VPS13B: variants seen among roughly 807,000 people sequenced by gnomAD.
VPS13B encodes the protein vacuolar protein sorting 13 homolog B, also known as intermembrane lipid transfer protein VPS13B.
A neutral mutation model predicts 426.4 loss-of-function variants in VPS13B; 285 were observed. The observed-to-expected ratio is 0.67, with a 90% CI of 0.61 to 0.74. The LOEUF is 0.74. Among genes scored for constraint, VPS13B ranks in the 30% least tolerant of loss-of-function variants. The pLI is 0.00. For missense variants in VPS13B, 4,537 were observed against 4,782.6 expected (o/e 0.95, Z 1.51); for synonymous variants, 1,676 against 1,676.4 (o/e 1.00, Z 0.01).
At chr8:99,519,515 C>A (rs1018598247) in intron 29 of VPS13B, among the ~76,000 whole-genome samples, 1 of 151,996 alleles carries the variant, frequency 6.6e-6, no homozygotes, top group Non-Finnish European at 1.5e-5. Context: ...ATGTTTGTTG[C>A]GGCACTATTC....
intron 3 of VPS13B, among the ~76,000 whole-genome samples, chr8:99,041,039 T>C (rs936618576): frequency 3.3e-5 from 5 of 152,148 alleles, no homozygotes; most frequent in African/African-American, 1.2e-4. Context: ...TCATAATGAT[T>C]GTGATTCTAG....
chr8:99,401,682 A>G (rs1160012558), intron 21 of VPS13B, among the ~76,000 whole-genome samples: 1 of 152,186 alleles, frequency 6.6e-6, no homozygotes. Flanking sequence ...CCTGGCCAAC[A>G]TGGTGAAACC....
chr8:99,706,215 T>G (rs571534039), intron 36 of VPS13B, among the ~76,000 whole-genome samples: 2 of 152,174 alleles, frequency 1.3e-5, no homozygotes, highest in South Asian at 4.2e-4. Flanking sequence ...CTGTAATGGA[T>G]TAAAATAATA....
intron 19 of VPS13B, among the ~76,000 whole-genome samples, chr8:99,290,740 C>G (rs1377335831): frequency 1.3e-5 from 2 of 151,740 alleles, no homozygotes; most frequent in Admixed American, 1.3e-4. Flanking sequence ...AAATCCTTAA[C>G]CCAGTCTTTC....
chr8:99,225,803 A>G (rs767472192), intron 17 of VPS13B, among the ~76,000 whole-genome samples: 1 of 152,134 alleles, frequency 6.6e-6, no homozygotes, highest in Non-Finnish European at 1.5e-5. Context: ...TGATCTTTCT[A>G]AAATGGAATT....
intron 15 of VPS13B, among the ~76,000 whole-genome samples, chr8:99,159,783 C>T (rs1231281581): frequency 1.3e-5 from 2 of 152,106 alleles, no homozygotes; most frequent in African/African-American, 4.8e-5. Flanking sequence ...TCTCAGTCTC[C>T]CAAGTACTGG....
intron 13 of VPS13B, among the ~76,000 whole-genome samples, chr8:99,145,416 C>A (rs1199912627): frequency 6.6e-6 from 1 of 152,128 alleles, no homozygotes; most frequent in Non-Finnish European, 1.5e-5. Context: ...CCACAAGGAT[C>A]TGGCATGTTG....
chr8:99,287,846 A>G (rs1819528078), intron 19 of VPS13B, among the ~76,000 whole-genome samples: 1 of 152,070 alleles, frequency 6.6e-6, no homozygotes, highest in African/African-American at 2.4e-5. Context: ...TGAGATGAGT[A>G]TGTCCATAAA....
At chr8:99,576,049 G>A (rs1318314423) in intron 32 of VPS13B, among the ~76,000 whole-genome samples, 2 of 152,134 alleles carry the variant, frequency 1.3e-5, no homozygotes, top group African/African-American at 2.4e-5. Flanking sequence ...GAGGCATAGA[G>A]GAGCTAACCA....
intron 17 of VPS13B, among the ~76,000 whole-genome samples, chr8:99,230,441 T>C (rs1293131876): frequency 6.6e-6 from 1 of 152,242 alleles, no homozygotes; most frequent in African/African-American, 2.4e-5. Flanking sequence ...TAGGAAATTT[T>C]AGATCTCATT....
intron 33 of VPS13B, among the ~76,000 whole-genome samples, chr8:99,638,476 A>G (rs914720266): frequency 3.3e-5 from 5 of 152,132 alleles, no homozygotes; most frequent in African/African-American, 1.2e-4. Context: ...GAAAATTGCT[A>G]TAATATTAGT....
intron 33 of VPS13B, among the ~76,000 whole-genome samples, chr8:99,610,609 G>A (rs2133874093): frequency 6.6e-6 from 1 of 152,080 alleles, no homozygotes; most frequent in South Asian, 2.1e-4. Context: ...CTAGGGGAGG[G>A]ATAGCATTAG....
intron 33 of VPS13B, among the ~76,000 whole-genome samples, chr8:99,627,824 G>A (rs1828680093): frequency 6.6e-6 from 1 of 152,152 alleles, no homozygotes; most frequent in African/African-American, 2.4e-5. Context: ...GGGCTGTGTT[G>A]CCCTCAAATT....
At chr8:99,334,628 T>A (rs1310068546) in intron 19 of VPS13B, among the ~76,000 whole-genome samples, 1 of 152,206 alleles carries the variant, frequency 6.6e-6, no homozygotes, top group Non-Finnish European at 1.5e-5. Context: ...GTTTTTGTCT[T>A]TGGTCCTGTT....
At chr8:99,586,975 C>G (rs1440493730) in intron 33 of VPS13B, among the ~76,000 whole-genome samples, 1 of 152,150 alleles carries the variant, frequency 6.6e-6, no homozygotes, top group African/African-American at 2.4e-5. Flanking sequence ...TATCCCTCCC[C>G]CATCCCCCCA....
At chr8:99,314,374 T>C (rs1410133824) in intron 19 of VPS13B, among the ~76,000 whole-genome samples, 2 of 152,154 alleles carry the variant, frequency 1.3e-5, no homozygotes, top group Non-Finnish European at 2.9e-5. Flanking sequence ...CATGTGCTGA[T>C]GAGAAGAATG....
At chr8:99,841,888 G>C (rs1040776469) in intron 54 of VPS13B, among the ~76,000 whole-genome samples, 20 of 152,146 alleles carry the variant, frequency 1.3e-4, no homozygotes, top group African/African-American at 4.3e-4. Context: ...GTCTCTCTCT[G>C]TAACTAACCC....
At chr8:99,779,109 A>G (rs1396700650) in intron 42 of VPS13B, 78 bp downstream of exon 42, 1 of 1,325,332 alleles carries the variant, frequency 7.5e-7, no homozygotes, top group East Asian at 2.3e-5. Context: ...CACTTCTGAT[A>G]ATAAGTTCAA....
chr8:99,793,254 C>CATATATATATATATATATATATATAT (rs779913773), intron 43 of VPS13B, among the ~76,000 whole-genome samples: 19 of 107,012 alleles, frequency 1.8e-4, no homozygotes, highest in African/African-American at 3.6e-4. Flanking sequence ...TTGCCCTCTC[C>CATATATATATATATATATATATATAT]ATATATATAT....
Sources: allele counts gnomAD v4.1 joint callset (sites outside exome capture counted in the v4.1 genomes callset), GRCh38; gene constraint gnomAD v4.1.1; transcripts MANE v1.5; gene names NCBI Gene and HGNC (gene_info 2026-07-23, HGNC 2026-07-21).